The following HHLA2 variants were observed in gnomAD, a reference collection of about 807,000 sequenced individuals.
HHLA2 encodes the protein HERV-H LTR-associating protein 2.
Under a neutral mutation model 45.9 loss-of-function variants are expected in HHLA2, and 48 were observed. That is an observed-to-expected ratio of 1.05 (90% confidence interval 0.83 to 1.33). The LOEUF is 1.33. Ranked by LOEUF, HHLA2 falls within the 40% of genes most tolerant of loss-of-function variation. The probability of loss-of-function intolerance (pLI) is 0.00; values close to 1 mark genes in which losing one functional copy is unlikely to be tolerated. For synonymous variants in HHLA2, 161 were observed against 173.9 expected (o/e 0.93, Z 0.59); for missense variants, 462 against 494.3 (o/e 0.93, Z 0.62).
At chr3:108,329,220 C>T (rs1243979320) in intron 3 of HHLA2, among the ~76,000 whole-genome samples, 2 of 152,136 alleles carry the variant, frequency 1.3e-5, no homozygotes, top group East Asian at 3.9e-4. Context: ...TACAAGTAAA[C>T]AGAACTTACT....
intron 8 of HHLA2, among the ~76,000 whole-genome samples, chr3:108,363,975 CTTTTT>C: frequency 1.9e-5 from 1 of 52,700 alleles, no homozygotes; most frequent in Non-Finnish European, 6.9e-5. Context: ...TGACTTACTT[CTTTTT>C]TTTTTTTTCT....
At chr3:108,367,848 T>A (rs931731870) in intron 8 of HHLA2, among the ~76,000 whole-genome samples, 1 of 152,178 alleles carries the variant, frequency 6.6e-6, no homozygotes, top group Non-Finnish European at 1.5e-5. Flanking sequence ...ATTCAGGACA[T>A]ACAGAGAACA....
At chr3:108,377,836 T>A (rs1179584055) in exon 11 of HHLA2, 1 of 152,320 alleles carries the variant, frequency 6.6e-6, no homozygotes, top group Non-Finnish European at 1.5e-5. Context: ...ACAGTATCTT[T>A]AAGATTGCTA....
At chr3:108,335,866 A>G (rs985897703) in intron 3 of HHLA2, among the ~76,000 whole-genome samples, 1 of 152,106 alleles carries the variant, frequency 6.6e-6, no homozygotes, top group African/African-American at 2.4e-5. Flanking sequence ...AAAGCAGACC[A>G]TGCTAATACA....
intron 2 of HHLA2, chr3:108,325,724 T>G (rs1362079631): frequency 8.2e-6 from 2 of 244,010 alleles, no homozygotes; most frequent in East Asian, 1.2e-4. Flanking sequence ...AAATCCATTA[T>G]AGCCGTGCCC....
At chr3:108,372,073 GAAGTA>G (rs1376597133) in intron 8 of HHLA2, among the ~76,000 whole-genome samples, 10 of 152,120 alleles carry the variant, frequency 6.6e-5, no homozygotes, top group Non-Finnish European at 1.5e-4. Flanking sequence ...CACATAATTG[GAAGTA>G]AAGCACTCCT....
intron 2 of HHLA2, among the ~76,000 whole-genome samples, chr3:108,321,940 C>T (rs2081210290): frequency 6.6e-6 from 1 of 152,042 alleles, no homozygotes; most frequent in Non-Finnish European, 1.5e-5. Context: ...CCATTCTGTT[C>T]CTTTTTTATG....
intron 2 of HHLA2, among the ~76,000 whole-genome samples, chr3:108,315,513 A>G (rs1294103535): frequency 1.3e-5 from 2 of 152,246 alleles, no homozygotes; most frequent in African/African-American, 4.8e-5. Flanking sequence ...GAAAATAATC[A>G]GAATTTGAAG....
Position 108,303,944 on chromosome 3 carries a change from T to C in HHLA2, c.-191-6711T>C, listed in dbSNP as rs751973375. Among the ~76,000 whole-genome samples the C allele has an allele frequency of 9.1e-4, 139 of 152,304 alleles. 1 individual carries two copies. The highest frequency in any genetic ancestry group is 3.4e-3 in the Middle Eastern group (1 of 294). ...CTCTCATTTGCTTAGGCTGAGTTAT[T>C]GGCAGGGGTGGAAATAAACTTTTTG... On this transcript the variant is annotated intron_variant, in intron 1 of 10. Transcript: ENST00000619531.
At chr3:108,342,430 A>AT (rs1161730744) in intron 3 of HHLA2, among the ~76,000 whole-genome samples, 3 of 151,576 alleles carry the variant, frequency 2.0e-5, no homozygotes, top group Non-Finnish European at 4.4e-5. Flanking sequence ...TGCCTGGCTT[A>AT]TTTTTTGTAT....
At chr3:108,369,316 A>C (rs2082123369) in intron 8 of HHLA2, among the ~76,000 whole-genome samples, 1 of 152,174 alleles carries the variant, frequency 6.6e-6, no homozygotes, top group African/African-American at 2.4e-5. Context: ...GAAAAAAACT[A>C]GAGATTCACG....
chr3:108,340,989 G>A (rs9871789), intron 3 of HHLA2, among the ~76,000 whole-genome samples: 120,472 of 144,726 alleles, frequency 0.83, 51,397 homozygotes, highest in Non-Finnish European at 0.93. Context: ...GTCTTGCTCC[G>A]TTGCCCAGGC....
At chr3:108,315,530 T>C (rs908592415) in intron 2 of HHLA2, among the ~76,000 whole-genome samples, 1 of 152,222 alleles carries the variant, frequency 6.6e-6, no homozygotes, top group Non-Finnish European at 1.5e-5. Context: ...GAAGCTTGAT[T>C]GATGTTTGGC....
At chr3:108,298,635 T>A (rs781616099) in intron 1 of HHLA2, among the ~76,000 whole-genome samples, 1 of 152,244 alleles carries the variant, frequency 6.6e-6, no homozygotes, top group Non-Finnish European at 1.5e-5. Flanking sequence ...TGCATCTTTT[T>A]CTGTTGGAGA....
intron 1 of HHLA2, among the ~76,000 whole-genome samples, chr3:108,298,027 C>T (rs1312302131): frequency 6.6e-6 from 1 of 152,190 alleles, no homozygotes; most frequent in African/African-American, 2.4e-5. Flanking sequence ...CTTTGAATGT[C>T]TGTCTAACTG....
chr3:108,342,556 C>T (rs1050815104), intron 3 of HHLA2, among the ~76,000 whole-genome samples: 6 of 152,148 alleles, frequency 3.9e-5, no homozygotes, highest in South Asian at 2.1e-4. Context: ...TGAGCCACTG[C>T]GCCTGGCCTG....
exon 1 of HHLA2, chr3:108,296,587 A>G (rs902603027): frequency 2.0e-5 from 3 of 152,194 alleles, no homozygotes; most frequent in Non-Finnish European, 2.9e-5. Flanking sequence ...GACGGTATGA[A>G]TTTCTAAGTA....
chr3:108,362,296 A>T (rs754645411), intron 7 of HHLA2, 46 bp from the exon 7 acceptor site: 1 of 1,416,262 alleles, frequency 7.1e-7, no homozygotes, highest in Non-Finnish European at 9.8e-7. Context: ...TTATCTGGTA[A>T]TTTTTCTTCC....
chr3:108,318,117 G>A (rs1226795691), intron 2 of HHLA2, among the ~76,000 whole-genome samples: 1 of 151,274 alleles, frequency 6.6e-6, no homozygotes, highest in Non-Finnish European at 1.5e-5. Context: ...GGAGGCTGAG[G>A]TTGCAGTGAG....
Sources: allele counts gnomAD v4.1 joint callset (sites outside exome capture counted in the v4.1 genomes callset), GRCh38; gene constraint gnomAD v4.1.1; transcripts MANE v1.5; gene names NCBI Gene and HGNC (gene_info 2026-07-23, HGNC 2026-07-21).